Variants in SEZ6L2 observed in about 807,000 individuals in gnomAD.
The protein encoded by SEZ6L2 is seizure 6-like protein 2.
Under a neutral mutation model 97.0 loss-of-function variants are expected in SEZ6L2, and 44 were observed. The ratio of observed to expected loss-of-function variants is 0.45; its 90% CI spans 0.36 to 0.58. SEZ6L2 has a LOEUF of 0.58. SEZ6L2 is among the 20% of genes least tolerant of loss of function. The pLI is 0.00. For synonymous variants in SEZ6L2, 543 were observed against 546.1 expected (o/e 0.99, Z 0.08); for missense variants, 1,086 against 1,233.3 (o/e 0.88, Z 1.79).
At position 29,895,405 on chromosome 16, in the gene SEZ6L2, C is replaced by T. The variant is rs1458457613; in HGVS notation, c.707G>A (p.Gly236Glu). ...EEELLVLAGG[G>E]SPGLAPRLLA... ...GAGTCGGGGGGCCAGGCCTGGGGAT[C>T]CCCCACCAGCCAGCACCAGGAGCTC... The change falls in exon 5 of 18, where the codon GGA becomes GAA. Residue 236 changes from glycine to glutamate, a missense_variant. By Grantham distance (98) the Gly-to-Glu change is moderately conservative (BLOSUM62 -2). Coordinates refer to ENST00000617533, the MANE Select transcript of SEZ6L2 (RefSeq NM_001243332.2). The T allele has an allele frequency of 6.2e-7, 1 of 1,614,068 alleles. No individual in the cohort carries two copies. Among genetic ancestry groups the T allele is most frequent in the Non-Finnish European group, 8.5e-7 (1 of 1,180,002 alleles).
chr16:29,898,446 T>TCC (rs1429732968), intron 1 of SEZ6L2, among the ~76,000 whole-genome samples: 5 of 148,092 alleles, frequency 3.4e-5, no homozygotes, highest in East Asian at 3.9e-4. Flanking sequence ...TCTCTCTCTC[T>TCC]CCCCCCCACC....
In SEZ6L2 at chr16:29,871,560, GC is replaced by G. The variant is rs2067780467; in HGVS notation, c.*138del. ...CTGTAGGATCTCCAGGGCCATCAAA[GC>G]CCCCTCGTGGGATAGGGAGACTATT... On this transcript the variant is annotated 3_prime_UTR_variant, in exon 18 of 18. Coordinates refer to ENST00000617533, the MANE Select transcript of SEZ6L2 (RefSeq NM_001243332.2). 1 of 840,274 alleles carries G rather than the reference GC, an allele frequency of 1.2e-6. No individual in the cohort carries two copies. The highest frequency in any genetic ancestry group is 2.0e-6 in the Non-Finnish European group (1 of 502,422). 52.1% of individuals were successfully genotyped at this position (840,274 alleles called of 1,614,324 possible).
chr16:29,897,782 G>C, intron 2 of SEZ6L2, 71 bp downstream of exon 2: 4 of 1,493,858 alleles, frequency 2.7e-6, no homozygotes, highest in Non-Finnish European at 3.6e-6. Flanking sequence ...CTCTAGCCTG[G>C]CTCCCCATCT....
chr16:29,887,773 C>A lies in SEZ6L2; in HGVS notation c.1084G>T (p.Val362Leu). 1.2e-6 allele frequency: 2 copies of A among 1,613,820 alleles called. No individual in the cohort carries two copies. The highest frequency in any genetic ancestry group is 1.7e-6 in the Non-Finnish European group (2 of 1,179,930). The part of the protein sequence containing the change: ...TIHNATLGRI[V>L]SPEPGGAVGP... ...ACGGCTCCCCCAGGCTCTGGGGACACGATGCGGCCCAGGGTGGCATTGTGG... is the reference window on the plus strand; with the variant it reads ...ACGGCTCCCCCAGGCTCTGGGGACAAGATGCGGCCCAGGGTGGCATTGTGG... Residue 362 changes from valine (V) to leucine (L), a missense_variant, in exon 7 of 18, where the codon GTG (valine) becomes TTG (leucine). By Grantham distance (32) the Val-to-Leu change is conservative. Transcript: ENST00000617533.
At chr16:29,889,677 G>A (rs1366852956) in intron 5 of SEZ6L2, among the ~76,000 whole-genome samples, 1 of 136,714 alleles carries the variant, frequency 7.3e-6, no homozygotes, top group Non-Finnish European at 1.5e-5. Context: ...GCCCAGGCTG[G>A]AGTGCAGTGG....
At position 29,877,426 on chromosome 16, in the gene SEZ6L2, C is replaced by A; in HGVS notation, c.1754G>T (p.Gly585Val). The change falls in exon 11 of 18, where the codon GGG (glycine) becomes GTG (valine). Residue 585 changes from glycine to valine, a missense_variant. Gly to Val is a moderately radical substitution (Grantham distance 109). Around this residue, in one of 2 missense-constraint regions of SEZ6L2, gnomAD observed 776 missense variants for 794.7 expected, o/e 0.98. Coordinates refer to ENST00000617533, the MANE Select transcript of SEZ6L2 (RefSeq NM_001243332.2). ...REGDMLTLFD[G>V]DGPSARVLAQ... ...CAAGACTCGGGCGCTGGGACCGTCC[C>A]CGTCGAACAGCGTCAGCATGTCCCC... 1 of 1,609,956 alleles carries A rather than the reference C, an allele frequency of 6.2e-7. No individual in the cohort carries two copies. Among genetic ancestry groups the A allele is most frequent in the South Asian group, 1.1e-5 (1 of 90,632 alleles).
Position 29,872,502 on chromosome 16 carries a change from C to G in SEZ6L2, c.2552G>C (p.Arg851Pro). 1 of 1,614,140 alleles carries G rather than the reference C, an allele frequency of 6.2e-7. No homozygotes were observed. The highest frequency in any genetic ancestry group is 8.5e-7 in the Non-Finnish European group (1 of 1,180,026). The part of the protein sequence containing the change: ...LEVTQTTDPS[R>P]QLEGGNLALA... ...GGCCAGGTTCCCCCCTTCCAGCTGC[C>G]GTGATGGATCTGTGGTCTGGGTCAC... Residue 851 changes from arginine to proline, a missense_variant, in exon 16 of 18, where the codon CGG (arginine) becomes CCG (proline). Physicochemically the swap from Arg to Pro is moderately radical, Grantham distance 103. Around this residue, in one of 2 missense-constraint regions of SEZ6L2, gnomAD observed 310 missense variants for 438.6 expected, o/e 0.71. Coordinates refer to ENST00000617533, the MANE Select transcript of SEZ6L2 (RefSeq NM_001243332.2).
chr16:29,895,825 A>G lies in SEZ6L2; in HGVS notation c.547T>C (p.Tyr183His), dbSNP rs200384814. The change falls in exon 4 of 18, where the codon TAT becomes CAT. Residue 183 changes from tyrosine (Y) to histidine (H), a missense_variant. Physicochemically the swap from Tyr to His is moderately conservative, Grantham distance 83. This residue lies in a region of SEZ6L2 where 776 missense variants were observed against 794.7 expected (regional missense o/e 0.98). Coordinates refer to ENST00000617533, the MANE Select transcript of SEZ6L2 (RefSeq NM_001243332.2). Reference protein sequence around the residue: ...CNNNISEGEGYVESPDLGSPV... With the variant: ...CNNNISEGEGHVESPDLGSPV... Reference sequence around the variant, plus strand: ...CTCCCCAGATCTGGAGACTCCACATACCCTTCGCCCTCGGAGATGTTGTTA... The same window carrying G: ...CTCCCCAGATCTGGAGACTCCACATGCCCTTCGCCCTCGGAGATGTTGTTA... 1 of 1,613,806 alleles carries G rather than the reference A, an allele frequency of 6.2e-7. No homozygotes were observed. The highest frequency in any genetic ancestry group is 2.2e-5 in the East Asian group (1 of 44,866).
intron 5 of SEZ6L2, among the ~76,000 whole-genome samples, chr16:29,894,198 AT>A (rs1213114034): frequency 6.6e-6 from 1 of 152,174 alleles, no homozygotes; most frequent in Non-Finnish European, 1.5e-5. Context: ...CTTGACATGT[AT>A]TAATTCATTT....
chr16:29,887,578 C>T, intron 7 of SEZ6L2, 71 bp downstream of exon 7: 1 of 1,449,008 alleles, frequency 6.9e-7, no homozygotes, highest in East Asian at 2.5e-5. Flanking sequence ...TCCCAAAGTA[C>T]TGGGATTACA....
chr16:29,894,481 A>G (rs985270201), intron 5 of SEZ6L2, among the ~76,000 whole-genome samples: 1 of 137,384 alleles, frequency 7.3e-6, no homozygotes, highest in African/African-American at 2.8e-5. Flanking sequence ...CTTAGTCATC[A>G]TCTCCTCCAA....
chr16:29,874,562 T>G (rs1423018319), intron 12 of SEZ6L2, among the ~76,000 whole-genome samples: 2,270 of 85,850 alleles, frequency 0.026, 357 homozygotes, highest in African/African-American at 0.12. Flanking sequence ...TTTTTTTTTT[T>G]TTTTTTTTTT....
At chr16:29,890,962 G>A (rs1251447376) in intron 5 of SEZ6L2, among the ~76,000 whole-genome samples, 1 of 150,642 alleles carries the variant, frequency 6.6e-6, no homozygotes, top group South Asian at 2.1e-4. Flanking sequence ...TATTTTTTGA[G>A]ACGGAGTATT....
chr16:29,872,262 G>A lies in SEZ6L2; in HGVS notation c.2667C>T (p.Phe889=), dbSNP rs778668527. 1.4e-4 allele frequency: 221 copies of A among 1,612,024 alleles called. No homozygotes were observed. Among genetic ancestry groups the A allele is most frequent in the Non-Finnish European group, 1.7e-4 (198 of 1,179,152 alleles). Residue 889 remains phenylalanine, a synonymous_variant, in exon 17 of 18, where the codon TTC becomes TTT. Transcript: ENST00000617533. The part of the protein sequence containing the change: ...YYTKLQGKSL[F]GFSGSHSYSP... ...TGTAGGAGTGGGAGCCCGAGAAGCC[G>A]AAAAGGGACTTTCCCTGAAGCCTGG...
At position 29,873,457 on chromosome 16, in the gene SEZ6L2, C is replaced by A. The variant is rs771315372; in HGVS notation, c.2297-26G>T. On this transcript the variant is annotated intron_variant, in intron 13 of 17. Coordinates refer to ENST00000617533, the MANE Select transcript of SEZ6L2 (RefSeq NM_001243332.2). The surrounding 1 kb of genome is among the most constrained non-coding windows in gnomAD (Gnocchi z 4.3). ...CTGCGGGGAGCATGCCAGTCACGTG[C>A]CAGCTGCACTACTGTGCACGGGGCA... 3 of 1,614,086 alleles carry A rather than the reference C, an allele frequency of 1.9e-6. No individual in the cohort carries two copies. Among genetic ancestry groups the A allele is most frequent in the South Asian group, 2.2e-5 (2 of 91,074 alleles).
rs937980359 is a variant in SEZ6L2, at chr16:29,878,403, C to T, written c.1596G>A (p.Ser532=). ...ACKAMCGGEL[S]EPAGVVLSPD... ...GAGAGAGGACCACGCCAGCTGGTTC[C>T]GACAGCTCCCCTCCACACATGGCTA... The change falls in exon 10 of 18, where the codon TCG becomes TCA. Residue 532 remains serine (S), a synonymous_variant. Transcript: ENST00000617533. 11 of 1,604,558 alleles carry T rather than the reference C, an allele frequency of 6.9e-6. No homozygotes were observed. The highest frequency in any genetic ancestry group is 3.4e-5 in the Admixed American group (2 of 59,188).
In SEZ6L2 at chr16:29,871,493, T is replaced by C; in HGVS notation, c.*206A>G. On this transcript the variant is annotated 3_prime_UTR_variant, in exon 18 of 18. Coordinates refer to ENST00000617533, the MANE Select transcript of SEZ6L2 (RefSeq NM_001243332.2). Reference sequence around the variant, plus strand: ...GGGGGCAGGCCCCTCGTTTGGCAACTGAGAAGAGGCGGCTTTGGGCGGCAG... The same window carrying C: ...GGGGGCAGGCCCCTCGTTTGGCAACCGAGAAGAGGCGGCTTTGGGCGGCAG... 2 of 622,436 alleles carry C rather than the reference T, an allele frequency of 3.2e-6. No individual in the cohort carries two copies. Among genetic ancestry groups the C allele is most frequent in the Non-Finnish European group, 2.9e-6 (1 of 345,832 alleles). The allele number at this position is 622,436 out of a possible 1,614,324, so 38.6% of individuals were successfully genotyped here.
chr16:29,899,110 G>A lies in SEZ6L2; in HGVS notation c.-91C>T. The stretch of plus-strand genomic sequence containing the variant: ...TCTCCGTTTATCTTTCCCTTTAATT[G>A]TTTTTTTTTTTTTTTTTTTTTTCCT... On this transcript the variant is annotated 5_prime_UTR_variant, in exon 1 of 18. Transcript: ENST00000617533. The A allele has an allele frequency of 2.0e-6, 1 of 500,056 alleles. No individual in the cohort carries two copies. The highest frequency in any genetic ancestry group is 3.3e-6 in the Non-Finnish European group (1 of 305,118). 31.0% of individuals were successfully genotyped at this position (500,056 alleles called of 1,614,324 possible). A position where few individuals can be genotyped will look rare whatever the true frequency, so the allele number is the denominator to read the frequency against.
In SEZ6L2 at chr16:29,886,064, G is replaced by A. The variant is rs1472830827; in HGVS notation, c.1209-315C>T. On this transcript the variant is annotated intron_variant, in intron 7 of 17. Transcript: ENST00000617533. ...CTAGGTAAAGGATGATAATGATGATGAAGATAGCAGATGCTTGACCAGGCA... is the reference window on the plus strand; with the variant it reads ...CTAGGTAAAGGATGATAATGATGATAAAGATAGCAGATGCTTGACCAGGCA... 5 of 211,670 alleles carry A rather than the reference G, an allele frequency of 2.4e-5. No individual in the cohort carries two copies. In the East Asian group the frequency reaches 4.4e-4, roughly 18 times the overall value. The allele number at this position is 211,670 out of a possible 1,614,324, so 13.1% of individuals were successfully genotyped here.
Sources: allele counts gnomAD v4.1 joint callset (sites outside exome capture counted in the v4.1 genomes callset), GRCh38; gene constraint gnomAD v4.1.1; regional missense constraint gnomAD v4.1.1; non-coding constraint Gnocchi (gnomAD v3.1); transcripts MANE v1.5; gene names NCBI Gene and HGNC (gene_info 2026-07-23, HGNC 2026-07-21).